Variants in DBH observed in about 807,000 individuals in gnomAD.
DBH encodes the protein dopamine beta-hydroxylase, also known as dopamine beta-hydroxylase (dopamine beta-monooxygenase).
A neutral mutation model predicts 64.0 loss-of-function variants in DBH; 49 were observed. That is an observed-to-expected ratio of 0.77 (90% confidence interval 0.61 to 0.97). The LOEUF is 0.97. Ranked by LOEUF, DBH falls within the 50% of genes least tolerant of loss-of-function variation. The pLI is 0.00. For synonymous variants in DBH, 343 were observed against 347.1 expected (o/e 0.99, Z 0.13); for missense variants, 828 against 826.6 (o/e 1.00, Z -0.02).
chr9:133,642,306 C>T lies in DBH; in HGVS notation c.586C>T (p.Gln196Ter), dbSNP rs1048063663. Residue 196 changes from glutamine (Q) to a stop codon, truncating the protein, a stop_gained, in exon 3 of 12, where the codon CAG (glutamine) becomes TAG (stop). Coordinates refer to ENST00000393056, the MANE Select transcript of DBH (RefSeq NM_000787.4). LOFTEE classifies it high-confidence loss of function. Reference sequence around the variant, plus strand: ...CCTGCAGATGGGGCTGCAGAGGGTGCAGCTCCTGAAGCCCAATATCCCCGA... The same window carrying T: ...CCTGCAGATGGGGCTGCAGAGGGTGTAGCTCCTGAAGCCCAATATCCCCGA... ...SGLQMGLQRV[Q>*]LLKPNIPEPE... 1 of 1,614,122 alleles carries T rather than the reference C, an allele frequency of 6.2e-7. No homozygotes were observed. Among genetic ancestry groups the T allele is most frequent in the Non-Finnish European group, 8.5e-7 (1 of 1,180,028 alleles).
rs1428619140 is a variant in DBH, at chr9:133,659,314, C to T, written c.*867C>T. Reference sequence around the variant, plus strand: ...TGCGGGCTAATGAGCCAATAAAGCTCACACTTGGGCTGGCACCCACTGGAG... The same window carrying T: ...TGCGGGCTAATGAGCCAATAAAGCTTACACTTGGGCTGGCACCCACTGGAG... On this transcript the variant is annotated 3_prime_UTR_variant, in exon 12 of 12. Coordinates refer to ENST00000393056, the MANE Select transcript of DBH (RefSeq NM_000787.4). 1 of 152,250 alleles carries T rather than the reference C, an allele frequency of 6.6e-6. No homozygotes were observed. Among genetic ancestry groups the T allele is most frequent in the Non-Finnish European group, 1.5e-5 (1 of 68,060 alleles). 9.4% of individuals were successfully genotyped at this position (152,250 alleles called of 1,614,324 possible). A position where few individuals can be genotyped will look rare whatever the true frequency, so the allele number is the denominator to read the frequency against.
Position 133,656,568 on chromosome 9 carries a change from T to C in DBH, c.1480T>C (p.Tyr494His), listed in dbSNP as rs368823886. The stretch of plus-strand genomic sequence containing the variant: ...GGAGATGTGTGTCAACTACGTGCAC[T>C]ACTACCCCCAGACGCAGCTGGAGCT... ...LEEMCVNYVH[Y>H]YPQTQLELCK... The change falls in exon 10 of 12, where the codon TAC becomes CAC. Residue 494 changes from tyrosine (Y) to histidine (H), a missense_variant. Tyr to His is a moderately conservative substitution (Grantham distance 83). Transcript: ENST00000393056. The C allele has an allele frequency of 6.8e-6, 11 of 1,613,680 alleles. No individual in the cohort carries two copies. In the African/African-American group the frequency reaches 1.5e-4, roughly 22 times the overall value.
intron 9 of DBH, chr9:133,654,713 G>A (rs1034857080): frequency 1.3e-5 from 2 of 152,336 alleles, no homozygotes; most frequent in African/African-American, 4.8e-5. Flanking sequence ...AAGCCTTGCT[G>A]AGACCTCTGA....
intron 9 of DBH, among the ~76,000 whole-genome samples, chr9:133,653,407 G>C (rs1832275218): frequency 6.6e-6 from 1 of 152,118 alleles, no homozygotes; most frequent in Non-Finnish European, 1.5e-5. Flanking sequence ...AGACAGGCCT[G>C]GAGCACCTGC....
intron 1 of DBH, among the ~76,000 whole-genome samples, chr9:133,637,345 AG>A (rs1832065476): frequency 6.6e-6 from 1 of 152,206 alleles, no homozygotes; most frequent in South Asian, 2.1e-4. Flanking sequence ...GGGTGGAGAA[AG>A]GGGAAAAGTT....
intron 5 of DBH, among the ~76,000 whole-genome samples, chr9:133,647,325 G>A (rs1253554967): frequency 1.3e-5 from 2 of 152,188 alleles, no homozygotes; most frequent in East Asian, 1.9e-4. Context: ...GCTCTTCTGT[G>A]CCATCGGCAG....
Position 133,643,282 on chromosome 9 carries a change from A to G in DBH, c.745-131A>G. The G allele has an allele frequency of 3.2e-6, 3 of 935,538 alleles. No individual in the cohort carries two copies. Among genetic ancestry groups the G allele is most frequent in the Non-Finnish European group, 5.0e-6 (3 of 595,886 alleles). The allele number at this position is 935,538 out of a possible 1,614,324, so 58.0% of individuals were successfully genotyped here. A position where few individuals can be genotyped will look rare whatever the true frequency, so the allele number is the denominator to read the frequency against. On this transcript the variant is annotated intron_variant, in intron 3 of 11. Transcript: ENST00000393056. The surrounding 1 kb of genome is among the most constrained non-coding windows in gnomAD (Gnocchi z 5.3). ...CACCCTCAAGGCTGTGAACCCCAGA[A>G]GTGCCCCTGAAATTGTCTGGATCAT...
intron 10 of DBH, 119 bp downstream of exon 10, chr9:133,656,769 T>G: frequency 7.6e-7 from 1 of 1,315,022 alleles, no homozygotes; most frequent in East Asian, 2.5e-5. Context: ...CAGAGACCTG[T>G]GGCGGCATCA....
intron 6 of DBH, among the ~76,000 whole-genome samples, chr9:133,648,947 G>C (rs1164625491): frequency 6.6e-6 from 1 of 152,228 alleles, no homozygotes; most frequent in Non-Finnish European, 1.5e-5. Flanking sequence ...TCAGAGATGT[G>C]AGTGTTCCCT....
Position 133,643,220 on chromosome 9 carries a change from G to C in DBH, c.745-193G>C, listed in dbSNP as rs1047876107. 2.6e-5 allele frequency among the ~76,000 whole-genome samples: 4 copies of C among 151,946 alleles called. No individual in the cohort carries two copies. Among genetic ancestry groups the C allele is most frequent in the African/African-American group, 9.7e-5 (4 of 41,396 alleles). On this transcript the variant is annotated intron_variant, in intron 3 of 11. Coordinates refer to ENST00000393056, the MANE Select transcript of DBH (RefSeq NM_000787.4). This position sits in a 1 kb window ranked among gnomAD's most constrained non-coding sequence, Gnocchi z 5.3. ...TACGAACCTCATTTCCTTCACTCTG[G>C]AGCTGCCTACGGGATTTCTTTCTGG...
At chr9:133,645,326 C>A (rs3025404) in intron 5 of DBH, among the ~76,000 whole-genome samples, 1,642 of 151,938 alleles carry the variant, frequency 0.011, 20 homozygotes, top group Non-Finnish European at 0.016. Context: ...GGGTATAAGT[C>A]AGCTTGGGCC....
At chr9:133,648,769 C>T (rs562293663) in intron 6 of DBH, among the ~76,000 whole-genome samples, 4 of 152,358 alleles carry the variant, frequency 2.6e-5, no homozygotes, top group South Asian at 2.1e-4. Context: ...ACTAAAATCT[C>T]CTCCTTTGCT....
chr9:133,647,371 C>T (rs117626676), intron 5 of DBH, among the ~76,000 whole-genome samples: 492 of 152,332 alleles, frequency 3.2e-3, no homozygotes, highest in Non-Finnish European at 5.0e-3. Flanking sequence ...GCCCAGACCA[C>T]ACCCTGCAGG....
intron 1 of DBH, among the ~76,000 whole-genome samples, chr9:133,637,479 C>A (rs1832067029): frequency 6.6e-6 from 1 of 152,234 alleles, no homozygotes; most frequent in South Asian, 2.1e-4. Context: ...GACTGGCCAC[C>A]AGGGCTTCTT....
chr9:133,636,844 T>C (rs1298403986), intron 1 of DBH, 134 bp downstream of exon 1: 2 of 873,626 alleles, frequency 2.3e-6, no homozygotes, highest in Non-Finnish European at 3.7e-6. Flanking sequence ...GACTCTGCTC[T>C]GAGCCAAGTC....
chr9:133,657,271 G>C (rs766703857), intron 11 of DBH, 42 bp downstream of exon 11: 1 of 1,610,944 alleles, frequency 6.2e-7, no homozygotes, highest in African/African-American at 1.3e-5. Flanking sequence ...AGTCAGGCAG[G>C]CCTCATGGGG....
Position 133,642,419 on chromosome 9 carries a change from C to T in DBH, c.699C>T (p.Tyr233=). The part of the protein sequence containing the change: ...IPSQETTYWC[Y]IKELPKGFSR... The stretch of plus-strand genomic sequence containing the variant: ...GCCAGGAGACCACGTACTGGTGCTA[C>T]ATTAAGGAGCTTCCAAAGGGCTTCT... Residue 233 remains tyrosine (Y), a synonymous_variant, in exon 3 of 12, where the codon TAC becomes TAT. Transcript: ENST00000393056. 6.2e-7 allele frequency: 1 copy of T among 1,613,542 alleles called. No individual in the cohort carries two copies. The highest frequency in any genetic ancestry group is 8.5e-7 in the Non-Finnish European group (1 of 1,179,756).
intron 7 of DBH, 69 bp from the exon 8 acceptor site, chr9:133,652,177 T>G: frequency 1.3e-6 from 2 of 1,587,484 alleles, no homozygotes; most frequent in Admixed American, 1.7e-5. Context: ...GAGGACACAG[T>G]GGCCGGGGGT....
Position 133,643,960 on chromosome 9 carries a change from C to T in DBH, c.922-258C>T, listed in dbSNP as rs1832148101. Among the ~76,000 whole-genome samples the T allele has an allele frequency of 6.6e-6, 1 of 152,134 alleles. No individual in the cohort carries two copies. The stretch of plus-strand genomic sequence containing the variant: ...ATGGGGGTCTCCCCAGCTCTTACAC[C>T]CGTCTAGAGAAGGGGTTTTGGGGGA... On this transcript the variant is annotated intron_variant, in intron 4 of 11. Transcript: ENST00000393056. The surrounding 1 kb of genome is among the most constrained non-coding windows in gnomAD (Gnocchi z 5.3).
Sources: gnomAD v4.1 joint callset for allele counts (sites outside exome capture counted in the v4.1 genomes callset) on GRCh38, gnomAD v4.1.1 for gene constraint, Gnocchi (gnomAD v3.1) non-coding constraint, MANE v1.5 for transcripts, NCBI Gene and HGNC (gene_info 2026-07-23, HGNC 2026-07-21) for gene names.